Variants in PCDH15 observed in about 807,000 individuals in gnomAD.
The protein encoded by PCDH15 is protocadherin-15.
A neutral mutation model predicts 178.5 loss-of-function variants in PCDH15; 129 were observed. The observed-to-expected ratio is 0.72, with a 90% CI of 0.63 to 0.84. PCDH15 has a LOEUF of 0.84. PCDH15 is among the 40% of genes least tolerant of loss of function. The pLI is 0.00. For missense variants in PCDH15, 2,230 were observed against 2,099.9 expected, an observed-to-expected ratio of 1.06 and a Z score of -1.21; for synonymous variants, 800 against 732.0, an observed-to-expected ratio of 1.09 and a Z score of -1.50.
At chr10:54,164,925 T>C (rs1428366896) in intron 13 of PCDH15, among the ~76,000 whole-genome samples, 4 of 152,214 alleles carry the variant, frequency 2.6e-5, no homozygotes, top group African/African-American at 2.4e-5. Context: ...TAAGGTCTAC[T>C]GGGTCTCTCC....
chr10:55,292,602 G>A (rs997479441), intron 1 of PCDH15, among the ~76,000 whole-genome samples: 38 of 152,196 alleles, frequency 2.5e-4, no homozygotes, highest in East Asian at 7.8e-4. Context: ...GGCTGGTCTC[G>A]AAATTCTAAC....
intron 15 of PCDH15, among the ~76,000 whole-genome samples, chr10:54,124,361 T>A (rs1158212005): frequency 1.3e-5 from 2 of 152,182 alleles, no homozygotes; most frequent in South Asian, 2.1e-4. Flanking sequence ...TAGTGTTTAC[T>A]GAGTACGGAG....
intron 1 of PCDH15, among the ~76,000 whole-genome samples, chr10:54,773,248 T>C (rs1305422164): frequency 6.6e-6 from 1 of 152,132 alleles, no homozygotes; most frequent in Non-Finnish European, 1.5e-5. Context: ...TACCCCGAAC[T>C]TAAAAGCTGA....
intron 23 of PCDH15, among the ~76,000 whole-genome samples, chr10:53,956,472 T>C (rs2087624294): frequency 6.6e-6 from 1 of 152,176 alleles, no homozygotes; most frequent in Admixed American, 6.5e-5. Context: ...TTATATTCAA[T>C]TATTTGCATT....
intron 27 of PCDH15, among the ~76,000 whole-genome samples, chr10:53,863,639 T>C (rs566064613): frequency 6.6e-6 from 1 of 152,176 alleles, no homozygotes; most frequent in South Asian, 2.1e-4. Context: ...AGCTAGAAGG[T>C]GATATAGATC....
intron 1 of PCDH15, among the ~76,000 whole-genome samples, chr10:55,314,095 T>C (rs529007027): frequency 7.3e-5 from 11 of 151,424 alleles, no homozygotes; most frequent in Non-Finnish European, 1.5e-4. Context: ...AACCCAGATA[T>C]ATTCTGTCTT....
chr10:53,947,823 A>G (rs900731438), intron 23 of PCDH15, among the ~76,000 whole-genome samples: 1 of 152,222 alleles, frequency 6.6e-6, no homozygotes, highest in African/African-American at 2.4e-5. Context: ...AGTTCCTTAA[A>G]GAATCTTCAT....
chr10:54,335,115 A>G (rs1588887765), intron 6 of PCDH15, among the ~76,000 whole-genome samples: 5 of 152,266 alleles, frequency 3.3e-5, no homozygotes, highest in Admixed American at 3.3e-4. Context: ...CTAATTTCCT[A>G]AAGTAAAAAG....
intron 3 of PCDH15, among the ~76,000 whole-genome samples, chr10:54,423,667 A>G (rs900414725): frequency 6.6e-6 from 1 of 151,846 alleles, no homozygotes; most frequent in Non-Finnish European, 1.5e-5. Context: ...TACTTTTGGG[A>G]GAGGAAACAT....
chr10:54,323,033 C>A (rs1219457856), intron 7 of PCDH15, among the ~76,000 whole-genome samples: 1 of 151,752 alleles, frequency 6.6e-6, no homozygotes, highest in African/African-American at 2.4e-5. Context: ...ACAAACAATC[C>A]CATTAAAATA....
chr10:54,550,037 A>T (rs1224344931), intron 2 of PCDH15, among the ~76,000 whole-genome samples: 1 of 152,132 alleles, frequency 6.6e-6, no homozygotes, highest in African/African-American at 2.4e-5. Flanking sequence ...CTTAAAATAT[A>T]GGATCCAGAC....
At chr10:54,378,996 A>C in intron 3 of PCDH15, 54 bp from the exon 4 acceptor site, 1 of 1,599,030 alleles carries the variant, frequency 6.3e-7, no homozygotes, top group Non-Finnish European at 8.6e-7. Context: ...TGAATTCTTT[A>C]GCAAAGATCA....
rs115032637 is a variant in PCDH15 at position 55,493,900 on chromosome 10, C to T, written c.-156+133725G>A. On this transcript the variant is annotated intron_variant, in intron 2 of 5. Transcript: ENST00000613346. ...TGTAGTGGCACATATATTTTTCCCTCCTTTTCTCAGCTAATTTAGGTAATT... is the reference window on the plus strand; with the variant it reads ...TGTAGTGGCACATATATTTTTCCCTTCTTTTCTCAGCTAATTTAGGTAATT... 4.9e-3 allele frequency among the ~76,000 whole-genome samples: 751 copies of T among 151,902 alleles called. 10 individuals carry two copies. The highest frequency in any genetic ancestry group is 0.017 in the African/African-American group (721 of 41,492).
At chr10:53,978,657 G>GT (rs3066397) in intron 21 of PCDH15, among the ~76,000 whole-genome samples, 178 of 143,212 alleles carry the variant, frequency 1.2e-3, no homozygotes, top group African/African-American at 1.3e-3. Context: ...TCCAGAAAAT[G>GT]TTTTTTTTTT....
At chr10:55,393,766 T>G (rs1438073822) in intron 2 of PCDH15, among the ~76,000 whole-genome samples, 2 of 152,156 alleles carry the variant, frequency 1.3e-5, no homozygotes, top group African/African-American at 2.4e-5. Context: ...ACATGCATTC[T>G]TTTTGGATAA....
At chr10:53,822,364 G>A in intron 32 of PCDH15, 1 of 1,577,832 alleles carries the variant, frequency 6.3e-7, no homozygotes, top group Non-Finnish European at 8.6e-7. Context: ...GGAAGAGGAA[G>A]AGGGATAGAA....
Position 55,139,485 on chromosome 10 carries a change from T to C in PCDH15, c.-80+27091A>G, listed in dbSNP as rs892363362. Among the ~76,000 whole-genome samples, 16 of 152,194 alleles carry C rather than the reference T, an allele frequency of 1.1e-4. No homozygotes were observed. In the East Asian group the frequency reaches 2.9e-3, roughly 28 times the overall value. On this transcript the variant is annotated intron_variant, in intron 2 of 5. Coordinates refer to the PCDH15 transcript ENST00000458638. ...ATGAGGTATGAGACCTAGTTTGAGG[T>C]TCATTATTTGCCTTTAGATGTTCAG...
At chr10:54,481,343 TAATC>T (rs984811019) in intron 3 of PCDH15, among the ~76,000 whole-genome samples, 21 of 151,858 alleles carry the variant, frequency 1.4e-4, no homozygotes, top group African/African-American at 4.6e-4. Context: ...AGAAATTTAA[TAATC>T]AATAATAAGT....
chr10:55,345,486 G>A (rs1371411050), intron 2 of PCDH15, among the ~76,000 whole-genome samples: 1 of 151,996 alleles, frequency 6.6e-6, no homozygotes, highest in Non-Finnish European at 1.5e-5. Flanking sequence ...AGCCAGAGTT[G>A]AACTATGGCA....
Sources: allele counts gnomAD v4.1 joint callset (sites outside exome capture counted in the v4.1 genomes callset), GRCh38; gene constraint gnomAD v4.1.1; transcripts MANE v1.5; gene names NCBI Gene and HGNC (gene_info 2026-07-23, HGNC 2026-07-21).